PAM: variants seen among roughly 807,000 people sequenced by gnomAD.
The protein encoded by PAM is peptidyl-glycine alpha-amidating monooxygenase.
In PAM, 72 loss-of-function variants were observed where a neutral mutation model predicts 122.1. The ratio of observed to expected loss-of-function variants is 0.59; its 90% CI spans 0.49 to 0.72. The LOEUF is 0.72. Ranked by LOEUF, PAM falls within the 30% of genes least tolerant of loss-of-function variation. The probability of loss-of-function intolerance (pLI) is 0.00; values close to 1 mark genes in which losing one functional copy is unlikely to be tolerated. For missense variants in PAM, 1,106 were observed against 1,183.7 expected, an observed-to-expected ratio of 0.93 and a Z score of 0.96; for synonymous variants, 389 against 404.4, an observed-to-expected ratio of 0.96 and a Z score of 0.46.
At chr5:102,760,059 T>C (rs1193992876) in intron 1 of PAM, among the ~76,000 whole-genome samples, 2 of 152,218 alleles carry the variant, frequency 1.3e-5, no homozygotes, top group African/African-American at 4.8e-5. Context: ...GACTTTTGCA[T>C]GTCTTGTGAG....
chr5:102,916,877 C>T (rs1254982701), intron 5 of PAM, among the ~76,000 whole-genome samples: 2 of 151,406 alleles, frequency 1.3e-5, no homozygotes, highest in East Asian at 2.0e-4. Context: ...GGACTACAGG[C>T]GCGTGCCACC....
intron 1 of PAM, among the ~76,000 whole-genome samples, chr5:102,847,542 G>A (rs76995632): frequency 6.6e-6 from 1 of 152,190 alleles, no homozygotes; most frequent in East Asian, 1.9e-4. Flanking sequence ...TGCAGTGAAT[G>A]CAACTCTTTA....
chr5:102,998,212 T>A (rs1286923098), intron 16 of PAM, among the ~76,000 whole-genome samples: 1 of 152,110 alleles, frequency 6.6e-6, no homozygotes, highest in Non-Finnish European at 1.5e-5. Context: ...GACCAGAGAT[T>A]TAGGAATGAT....
chr5:102,852,408 A>T (rs1400516387), intron 1 of PAM, among the ~76,000 whole-genome samples: 1 of 152,180 alleles, frequency 6.6e-6, no homozygotes, highest in Admixed American at 6.5e-5. Flanking sequence ...TAGTTTATTT[A>T]AAAGAGTAAT....
intron 3 of PAM, among the ~76,000 whole-genome samples, chr5:102,895,433 T>C (rs1581432786): frequency 6.6e-6 from 1 of 151,756 alleles, no homozygotes; most frequent in East Asian, 1.9e-4. Context: ...TCCTGGGAAT[T>C]ACTCATATAT....
Position 102,771,294 on chromosome 5 carries a change from T to A in PAM, c.-374+15946T>A, listed in dbSNP as rs551070269. Among the ~76,000 whole-genome samples, 12 of 152,258 alleles carry A rather than the reference T, an allele frequency of 7.9e-5. No individual in the cohort carries two copies. In the South Asian group the frequency reaches 2.5e-3, roughly 32 times the overall value. Reference sequence around the variant, plus strand: ...ATGTCACCTAATAACCTCTTTGGTTTCCATTGCTAAACATTCTATAGTTCT... The same window carrying A: ...ATGTCACCTAATAACCTCTTTGGTTACCATTGCTAAACATTCTATAGTTCT... On this transcript the variant is annotated intron_variant, in intron 1 of 25. Transcript: ENST00000438793.
At chr5:103,022,312 T>TGCCTTCA (rs1465103740) in intron 23 of PAM, among the ~76,000 whole-genome samples, 1 of 152,144 alleles carries the variant, frequency 6.6e-6, no homozygotes, top group Non-Finnish European at 1.5e-5. Flanking sequence ...GTATGCCATT[T>TGCCTTCA]GCCTTCAGCC....
chr5:102,779,924 C>CACAT (rs775810552), intron 1 of PAM, among the ~76,000 whole-genome samples: 2,786 of 85,758 alleles, frequency 0.032, 97 homozygotes, highest in East Asian at 0.18. Flanking sequence ...TATATACACA[C>CACAT]ATATATATAT....
At chr5:102,962,555 C>T (rs193137388) in intron 14 of PAM, among the ~76,000 whole-genome samples, 94 of 151,852 alleles carry the variant, frequency 6.2e-4, no homozygotes, top group Non-Finnish European at 8.4e-4. Context: ...TGAGATACCA[C>T]CATTTAATAG....
At chr5:102,862,905 C>G (rs1334503496) in intron 1 of PAM, among the ~76,000 whole-genome samples, 3 of 151,846 alleles carry the variant, frequency 2.0e-5, no homozygotes, top group Non-Finnish European at 4.4e-5. Flanking sequence ...TGTACAGGGT[C>G]TCTTATAAAT....
rs150348116 is a variant in PAM, at chr5:103,003,350, A to G, written c.1730+201A>G. ...TTAGAATCATCTGGGAAGCTTCAAA[A>G]TATTTAGATTCACTTATCTGTTTGC... On this transcript the variant is annotated intron_variant, in intron 17 of 25. Coordinates refer to ENST00000438793, the MANE Select transcript of PAM (RefSeq NM_001177306.2). Among the ~76,000 whole-genome samples the G allele has an allele frequency of 1.2e-3, 190 of 152,264 alleles. 1 individual carries two copies. Among genetic ancestry groups the G allele is most frequent in the African/African-American group, 4.4e-3 (183 of 41,566 alleles).
At chr5:102,757,804 G>T (rs771958538) in intron 1 of PAM, among the ~76,000 whole-genome samples, 3 of 152,064 alleles carry the variant, frequency 2.0e-5, no homozygotes, top group Non-Finnish European at 4.4e-5. Context: ...ACTTTGAGAG[G>T]CTGAGGCGGG....
intron 16 of PAM, among the ~76,000 whole-genome samples, chr5:102,999,503 G>A (rs1582744057): frequency 6.6e-6 from 1 of 152,228 alleles, no homozygotes; most frequent in Non-Finnish European, 1.5e-5. Flanking sequence ...ACTAGGCAGT[G>A]CACCAGTGGA....
At chr5:103,017,582 G>T in intron 22 of PAM, 149 bp downstream of exon 22, 1 of 587,358 alleles carries the variant, frequency 1.7e-6, no homozygotes, top group Non-Finnish European at 3.0e-6. Flanking sequence ...CCTATTTGGT[G>T]TCCATTAAGT....
At chr5:102,821,711 A>G (rs1771978771) in intron 1 of PAM, among the ~76,000 whole-genome samples, 1 of 152,204 alleles carries the variant, frequency 6.6e-6, no homozygotes, top group African/African-American at 2.4e-5. Flanking sequence ...AAATGAAGAA[A>G]CTGCCTAAAA....
chr5:102,993,739 T>G (rs1330623581), intron 16 of PAM, among the ~76,000 whole-genome samples: 1 of 152,142 alleles, frequency 6.6e-6, no homozygotes, highest in Non-Finnish European at 1.5e-5. Flanking sequence ...TTCCAGTCTT[T>G]GATTCATTCT....
At chr5:102,773,190 A>C (rs1184946038) in intron 1 of PAM, among the ~76,000 whole-genome samples, 1 of 152,138 alleles carries the variant, frequency 6.6e-6, no homozygotes. Flanking sequence ...ACAAATTCCT[A>C]TGAAATTTAC....
At chr5:102,965,756 T>C (rs1763905580) in intron 14 of PAM, among the ~76,000 whole-genome samples, 2 of 151,972 alleles carry the variant, frequency 1.3e-5, no homozygotes, top group African/African-American at 4.8e-5. Context: ...TGAGGGAAAA[T>C]ACCCCATGAC....
At chr5:102,870,358 A>G (rs1786995904) in intron 3 of PAM, among the ~76,000 whole-genome samples, 1 of 152,138 alleles carries the variant, frequency 6.6e-6, no homozygotes, top group Non-Finnish European at 1.5e-5. Context: ...GCAGATGTAG[A>G]ACAGAGGTGG....
Sources: allele counts gnomAD v4.1 joint callset (sites outside exome capture counted in the v4.1 genomes callset), GRCh38; gene constraint gnomAD v4.1.1; transcripts MANE v1.5; gene names NCBI Gene and HGNC (gene_info 2026-07-23, HGNC 2026-07-21).